Variants in MMS22L observed in about 807,000 individuals in gnomAD.
The protein encoded by MMS22L is protein MMS22-like.
In MMS22L, 74 loss-of-function variants were observed where a neutral mutation model predicts 159.1. That is an observed-to-expected ratio of 0.47 (90% confidence interval 0.39 to 0.56). The LOEUF (loss-of-function observed/expected upper bound fraction) is 0.56. Among genes scored for constraint, MMS22L ranks in the 20% least tolerant of loss-of-function variants. The pLI is 0.00. For synonymous variants in MMS22L, 517 were observed against 506.9 expected (o/e 1.02, Z -0.27); for missense variants, 1,351 against 1,422.1 (o/e 0.95, Z 0.80).
At chr6:97,281,131 C>T (rs1816720463) in intron 3 of MMS22L, 106 bp downstream of exon 3, 2 of 1,108,928 alleles carry the variant, frequency 1.8e-6, no homozygotes, top group African/African-American at 1.6e-5. Flanking sequence ...GCAACCAGCA[C>T]AATTCCTCTG....
At chr6:97,155,630 A>G (rs1381295568) in intron 22 of MMS22L, among the ~76,000 whole-genome samples, 1 of 152,196 alleles carries the variant, frequency 6.6e-6, no homozygotes, top group Non-Finnish European at 1.5e-5. Context: ...ACGTCCCTGC[A>G]AAGGACATGA....
chr6:97,273,270 A>AAAT (rs1815935718), intron 4 of MMS22L, among the ~76,000 whole-genome samples: 1 of 152,184 alleles, frequency 6.6e-6, no homozygotes, highest in African/African-American at 2.4e-5. Context: ...TCTAATAGAC[A>AAAT]GTGCCTACCC....
At chr6:97,249,114 G>A (rs1812969209) in intron 10 of MMS22L, among the ~76,000 whole-genome samples, 2 of 152,142 alleles carry the variant, frequency 1.3e-5, no homozygotes, top group South Asian at 2.1e-4. Context: ...AATCAGCCAC[G>A]TGAGCAATTC....
intron 3 of MMS22L, among the ~76,000 whole-genome samples, chr6:97,279,501 A>G (rs559308271): frequency 6.6e-6 from 1 of 151,538 alleles, no homozygotes; most frequent in Non-Finnish European, 1.5e-5. Context: ...AAAGAAGTTT[A>G]AGATGGGGTG....
At chr6:97,278,827 A>G in intron 4 of MMS22L, 22 bp downstream of exon 4, 1 of 1,608,788 alleles carries the variant, frequency 6.2e-7, no homozygotes, top group Non-Finnish European at 8.5e-7. Context: ...TCCCTTTTGC[A>G]TTAAACACAC....
At chr6:97,149,638 T>G (rs894292994) in intron 24 of MMS22L, among the ~76,000 whole-genome samples, 7 of 152,192 alleles carry the variant, frequency 4.6e-5, no homozygotes, top group African/African-American at 1.7e-4. Context: ...AGGAAAAACA[T>G]GCAAATTTAT....
chr6:97,167,995 A>C, intron 20 of MMS22L, 76 bp downstream of exon 20: 4 of 1,223,290 alleles, frequency 3.3e-6, no homozygotes, highest in Non-Finnish European at 3.4e-6. Context: ...TTAAATCTGC[A>C]TTTAGTAAAC....
chr6:97,273,884 C>T (rs1816000619), intron 4 of MMS22L, among the ~76,000 whole-genome samples: 1 of 152,178 alleles, frequency 6.6e-6, no homozygotes, highest in Admixed American at 6.5e-5. Context: ...AAAAAATCTG[C>T]TTAAAATGTA....
chr6:97,262,646 C>A (rs572176643), intron 9 of MMS22L, among the ~76,000 whole-genome samples: 3 of 101,408 alleles, frequency 3.0e-5, no homozygotes, highest in East Asian at 3.1e-4. Context: ...AGCAACAGAG[C>A]AAGACTGCCT....
At chr6:97,276,828 C>T (rs1816282819) in intron 4 of MMS22L, among the ~76,000 whole-genome samples, 1 of 152,178 alleles carries the variant, frequency 6.6e-6, no homozygotes, top group Admixed American at 6.5e-5. Flanking sequence ...GCAGCTTGTA[C>T]ATTCCTTTAT....
At chr6:97,233,541 G>GTGCC (rs1232807480) in intron 12 of MMS22L, among the ~76,000 whole-genome samples, 1 of 152,106 alleles carries the variant, frequency 6.6e-6, no homozygotes, top group African/African-American at 2.4e-5. Flanking sequence ...CAGGACAGCA[G>GTGCC]TGCCTGTTCA....
At chr6:97,193,487 G>A (rs1806108510) in intron 14 of MMS22L, among the ~76,000 whole-genome samples, 1 of 152,110 alleles carries the variant, frequency 6.6e-6, no homozygotes, top group African/African-American at 2.4e-5. Context: ...AGATGATTAT[G>A]AGTATAAAAT....
chr6:97,245,268 G>A (rs1407632022), intron 11 of MMS22L, among the ~76,000 whole-genome samples: 1 of 151,908 alleles, frequency 6.6e-6, no homozygotes, highest in Admixed American at 6.6e-5. Flanking sequence ...CAGAAACATG[G>A]GTCAATGAGA....
At chr6:97,271,423 G>A (rs1815723420) in intron 6 of MMS22L, 1 of 151,882 alleles carries the variant, frequency 6.6e-6, no homozygotes, top group Non-Finnish European at 1.5e-5. Context: ...ATATTTGATG[G>A]ATAACCAGAA....
intron 19 of MMS22L, among the ~76,000 whole-genome samples, chr6:97,168,472 G>A (rs1347869301): frequency 6.6e-6 from 1 of 152,006 alleles, no homozygotes. Flanking sequence ...CGAGCAACTG[G>A]CATTTAATAT....
chr6:97,205,594 C>T (rs945926082), intron 14 of MMS22L, among the ~76,000 whole-genome samples: 3 of 152,156 alleles, frequency 2.0e-5, no homozygotes, highest in Non-Finnish European at 4.4e-5. Flanking sequence ...CTACTGTTTC[C>T]TAACATTTAA....
chr6:97,221,352 C>T (rs958756307), intron 14 of MMS22L, among the ~76,000 whole-genome samples: 1 of 151,826 alleles, frequency 6.6e-6, no homozygotes. Context: ...AATTCCTATG[C>T]GTGAAAAACT....
intron 22 of MMS22L, among the ~76,000 whole-genome samples, chr6:97,156,410 G>A (rs563189478): frequency 1.3e-5 from 2 of 152,308 alleles, no homozygotes; most frequent in East Asian, 3.9e-4. Context: ...TGTCCTGAAT[G>A]ATACTGCCTA....
intron 11 of MMS22L, among the ~76,000 whole-genome samples, chr6:97,240,617 C>A (rs1294600310): frequency 6.9e-6 from 1 of 145,938 alleles, no homozygotes; most frequent in Non-Finnish European, 1.5e-5. Flanking sequence ...TACACTGTAC[C>A]CAAAGTATGG....
Sources: gnomAD v4.1 joint callset for allele counts (sites outside exome capture counted in the v4.1 genomes callset) on GRCh38, gnomAD v4.1.1 for gene constraint, MANE v1.5 for transcripts, NCBI Gene and HGNC (gene_info 2026-07-23, HGNC 2026-07-21) for gene names.